Variants in SYN3 observed in about 807,000 individuals in gnomAD.
The protein encoded by SYN3 is synapsin-3.
SYN3 carries 35 observed loss-of-function variants against 65.8 expected under a neutral mutation model. That is an observed-to-expected ratio of 0.53 (90% confidence interval 0.41 to 0.70). The LOEUF is 0.70. Ranked by LOEUF, SYN3 falls within the 30% of genes least tolerant of loss-of-function variation. The probability of loss-of-function intolerance (pLI) is 0.00; values close to 1 mark genes in which losing one functional copy is unlikely to be tolerated. For missense variants in SYN3, 680 were observed against 749.0 expected (o/e 0.91, Z 1.08); for synonymous variants, 270 against 292.9 (o/e 0.92, Z 0.80).
chr22:32,580,466 T>TA (rs1222534701), intron 7 of SYN3, among the ~76,000 whole-genome samples: 1 of 152,180 alleles, frequency 6.6e-6, no homozygotes, highest in Non-Finnish European at 1.5e-5. Context: ...ATTTCTCTCT[T>TA]ACTGTGCCTA....
chr22:32,738,659 G>A (rs911069122), intron 6 of SYN3, among the ~76,000 whole-genome samples: 1 of 152,214 alleles, frequency 6.6e-6, no homozygotes, highest in Non-Finnish European at 1.5e-5. Flanking sequence ...AAGTATTAAT[G>A]CATGAGTAGG....
chr22:32,901,915 G>A (rs1190125838), intron 4 of SYN3, among the ~76,000 whole-genome samples: 1 of 152,222 alleles, frequency 6.6e-6, no homozygotes, highest in Non-Finnish European at 1.5e-5. Context: ...CTACTGAAGG[G>A]GAGGACAGCC....
At chr22:33,011,535 AT>A (rs1431128289) in intron 1 of SYN3, among the ~76,000 whole-genome samples, 1 of 151,906 alleles carries the variant, frequency 6.6e-6, no homozygotes, top group African/African-American at 2.4e-5. Flanking sequence ...CTGTGGTTTT[AT>A]TTTTTGGCAA....
chr22:32,807,278 A>G (rs887046660), intron 6 of SYN3, among the ~76,000 whole-genome samples: 2 of 138,576 alleles, frequency 1.4e-5, no homozygotes, highest in African/African-American at 2.7e-5. Flanking sequence ...ATTACTGTGG[A>G]TTGATGGTTT....
intron 6 of SYN3, among the ~76,000 whole-genome samples, chr22:32,733,033 T>C (rs962933362): frequency 1.3e-5 from 2 of 152,220 alleles, no homozygotes; most frequent in African/African-American, 4.8e-5. Context: ...TTTAAAGTCA[T>C]GTTCTTCTCC....
intron 2 of SYN3, among the ~76,000 whole-genome samples, chr22:32,995,801 T>C (rs1330683971): frequency 6.6e-6 from 1 of 152,072 alleles, no homozygotes; most frequent in Non-Finnish European, 1.5e-5. Flanking sequence ...TAGCTGGGAT[T>C]ACAGGCATGC....
chr22:32,779,453 C>T (rs2045981511), intron 6 of SYN3, among the ~76,000 whole-genome samples: 1 of 151,888 alleles, frequency 6.6e-6, no homozygotes, highest in South Asian at 2.1e-4. Flanking sequence ...GCGTGAGATT[C>T]TGTCTCGAAA....
At chr22:32,850,681 T>C (rs1447593846) in intron 6 of SYN3, among the ~76,000 whole-genome samples, 1 of 152,184 alleles carries the variant, frequency 6.6e-6, no homozygotes, top group Non-Finnish European at 1.5e-5. Flanking sequence ...CCACAGGAAC[T>C]GTCCAGCCCT....
chr22:33,040,331 T>C (rs1369019699), intron 1 of SYN3, among the ~76,000 whole-genome samples: 1 of 152,164 alleles, frequency 6.6e-6, no homozygotes, highest in African/African-American at 2.4e-5. Flanking sequence ...GAGTTTATTC[T>C]GAGAGTGTGG....
intron 3 of SYN3, among the ~76,000 whole-genome samples, chr22:32,954,616 T>A (rs1031463374): frequency 6.6e-6 from 1 of 152,120 alleles, no homozygotes; most frequent in Non-Finnish European, 1.5e-5. Flanking sequence ...TCTGGGTGCA[T>A]TAAGATCAAG....
chr22:32,526,842 C>T (rs1569004502), intron 12 of SYN3, among the ~76,000 whole-genome samples: 1 of 152,132 alleles, frequency 6.6e-6, no homozygotes, highest in Non-Finnish European at 1.5e-5. Context: ...TAAGAAGATC[C>T]TTAAAAGATT....
At chr22:32,630,143 C>T (rs8137653) in intron 6 of SYN3, among the ~76,000 whole-genome samples, 13,803 of 151,836 alleles carry the variant, frequency 0.091, 1,412 homozygotes, top group African/African-American at 0.25. Flanking sequence ...ACCACCATGC[C>T]CAGCTAATTT....
chr22:32,661,586 T>C (rs2060217624), intron 6 of SYN3, among the ~76,000 whole-genome samples: 1 of 152,070 alleles, frequency 6.6e-6, no homozygotes, highest in Non-Finnish European at 1.5e-5. Flanking sequence ...CCCAGAAACA[T>C]GTGGTTTTCA....
intron 2 of SYN3, among the ~76,000 whole-genome samples, chr22:33,005,479 G>A (rs2053173114): frequency 6.6e-6 from 1 of 152,204 alleles, no homozygotes; most frequent in Non-Finnish European, 1.5e-5. Flanking sequence ...ACATAAGCAG[G>A]AGCCTGTTCC....
intron 12 of SYN3, among the ~76,000 whole-genome samples, chr22:32,524,122 AC>A (rs1231373154): frequency 5.9e-5 from 9 of 152,250 alleles, no homozygotes; most frequent in Non-Finnish European, 1.2e-4. Context: ...CATCTCCATA[AC>A]AAAAACTGCA....
chr22:32,714,498 A>G (rs2147262287), intron 6 of SYN3, among the ~76,000 whole-genome samples: 1 of 152,274 alleles, frequency 6.6e-6, no homozygotes, highest in East Asian at 1.9e-4. Context: ...AGTCTGGCAT[A>G]TTCTGGAATG....
At chr22:32,990,419 T>TCCATCCAA (rs1569384697) in intron 2 of SYN3, among the ~76,000 whole-genome samples, 2 of 95,734 alleles carry the variant, frequency 2.1e-5, no homozygotes, top group African/African-American at 4.9e-5. Context: ...CATCCATCCA[T>TCCATCCAA]CCATCCATCC....
At chr22:33,033,042 C>T (rs1173636393) in intron 1 of SYN3, among the ~76,000 whole-genome samples, 5 of 151,256 alleles carry the variant, frequency 3.3e-5, no homozygotes, top group African/African-American at 7.3e-5. Flanking sequence ...GATGGAGTTT[C>T]GCTCTTGTTG....
At chr22:32,786,199 G>A (rs2046190681) in intron 6 of SYN3, among the ~76,000 whole-genome samples, 1 of 152,106 alleles carries the variant, frequency 6.6e-6, no homozygotes, top group African/African-American at 2.4e-5. Context: ...AGGAAGCTGA[G>A]TTCCAGAGAA....
Sources: allele counts gnomAD v4.1 joint callset (sites outside exome capture counted in the v4.1 genomes callset), GRCh38; gene constraint gnomAD v4.1.1; transcripts MANE v1.5; gene names NCBI Gene and HGNC (gene_info 2026-07-23, HGNC 2026-07-21).